Variants in MYBL1 observed in about 807,000 individuals in gnomAD.
MYBL1 encodes the protein MYB proto-oncogene like 1, also known as myb-related protein A.
Under a neutral mutation model 96.3 loss-of-function variants are expected in MYBL1, and 17 were observed. That is an observed-to-expected ratio of 0.18 (90% CI 0.12 to 0.26). The LOEUF (loss-of-function observed/expected upper bound fraction) is 0.26. Ranked by LOEUF, MYBL1 falls within the 10% of genes least tolerant of loss-of-function variation. The pLI is 1.00. For synonymous variants in MYBL1, 282 were observed against 292.7 expected, an observed-to-expected ratio of 0.96 and a Z score of 0.37; for missense variants, 701 against 882.9, an observed-to-expected ratio of 0.79 and a Z score of 2.61.
intron 1 of MYBL1, among the ~76,000 whole-genome samples, chr8:66,606,448 A>G (rs1810315143): frequency 6.6e-6 from 1 of 152,230 alleles, no homozygotes; most frequent in African/African-American, 2.4e-5. Flanking sequence ...CAAAATTTGA[A>G]GATTTGTTTA....
rs554473669 is a variant in MYBL1, at chr8:66,570,395, C to T, written c.1728+2087G>A. Among the ~76,000 whole-genome samples the T allele has an allele frequency of 3.3e-5, 5 of 151,862 alleles. No individual in the cohort carries two copies. In the East Asian group the frequency reaches 9.7e-4, roughly 29 times the overall value. Reference sequence around the variant, plus strand: ...CTTCATCACCACTCACTGTAGCCTCCACTTCCCAGGCTCAAACAAACCTCC... The same window carrying T: ...CTTCATCACCACTCACTGTAGCCTCTACTTCCCAGGCTCAAACAAACCTCC... On this transcript the variant is annotated intron_variant, in intron 12 of 15. Transcript: ENST00000522677.
At chr8:66,568,481 C>T (rs1355448399) in intron 12 of MYBL1, among the ~76,000 whole-genome samples, 2 of 151,592 alleles carry the variant, frequency 1.3e-5, no homozygotes, top group Non-Finnish European at 2.9e-5. Flanking sequence ...TGTATTTTTA[C>T]TAGAGACGGG....
chr8:66,608,463 C>T (rs1296616847), intron 1 of MYBL1, among the ~76,000 whole-genome samples: 1 of 151,974 alleles, frequency 6.6e-6, no homozygotes, highest in Non-Finnish European at 1.5e-5. Context: ...ATTGAAAAGA[C>T]AATGTTAACT....
rs1328146627 is a variant in MYBL1 at position 66,562,567 on chromosome 8, AC to A, written c.*2129del. 1 of 152,674 alleles carries A rather than the reference AC, an allele frequency of 6.5e-6. No individual in the cohort carries two copies. Among genetic ancestry groups the A allele is most frequent in the African/African-American group, 2.4e-5 (1 of 41,462 alleles). 9.5% of individuals were successfully genotyped at this position (152,674 alleles called of 1,614,324 possible). A position where few individuals can be genotyped will look rare whatever the true frequency, so the allele number is the denominator to read the frequency against. ...AGCCCAGACTTATCCACAATATATT[AC>A]CATTTAGGATAATTTAATGCTCAAG... On this transcript the variant is annotated 3_prime_UTR_variant, in exon 16 of 16. Transcript: ENST00000522677.
intron 11 of MYBL1, among the ~76,000 whole-genome samples, chr8:66,572,816 T>A (rs975938478): frequency 6.6e-6 from 1 of 152,158 alleles, no homozygotes. Context: ...AAAAAAGTAC[T>A]AGAAATGTTT....
intron 8 of MYBL1, among the ~76,000 whole-genome samples, chr8:66,590,141 CAATA>C (rs1485762549): frequency 6.6e-6 from 1 of 152,072 alleles, no homozygotes; most frequent in East Asian, 1.9e-4. Context: ...CTATTATAAT[CAATA>C]AATATCATTT....
intron 15 of MYBL1, chr8:66,565,026 A>G: frequency 3.1e-6 from 1 of 318,900 alleles, no homozygotes; most frequent in South Asian, 7.9e-5. Flanking sequence ...AAGTTTTTAA[A>G]AAGTCAATTA....
intron 1 of MYBL1, among the ~76,000 whole-genome samples, chr8:66,603,098 G>A (rs907946361): frequency 1.4e-4 from 21 of 151,958 alleles, no homozygotes; most frequent in Non-Finnish European, 2.2e-4. Flanking sequence ...ATGCCACTAC[G>A]GGAAAAATCA....
chr8:66,578,907 A>G (rs1295315284), intron 9 of MYBL1, among the ~76,000 whole-genome samples: 4 of 152,232 alleles, frequency 2.6e-5, no homozygotes, highest in Admixed American at 2.6e-4. Flanking sequence ...GCCATAAAAA[A>G]GGATGAGTTC....
intron 9 of MYBL1, 130 bp downstream of exon 9, chr8:66,580,003 C>G (rs1427594466): frequency 1.5e-6 from 1 of 670,858 alleles, no homozygotes; most frequent in Admixed American, 3.0e-5. Flanking sequence ...GAAGCCACTG[C>G]AAAATATCAG....
At chr8:66,597,646 C>A (rs978971612) in intron 4 of MYBL1, 96 bp from the exon 5 acceptor site, 1 of 722,322 alleles carries the variant, frequency 1.4e-6, no homozygotes. Context: ...GCATTAAATC[C>A]AAGCCACAAC....
intron 5 of MYBL1, among the ~76,000 whole-genome samples, chr8:66,596,175 T>G (rs1396395716): frequency 6.6e-6 from 1 of 152,078 alleles, no homozygotes; most frequent in African/African-American, 2.4e-5. Flanking sequence ...AAACCAGCTA[T>G]ACGAGAACAG....
Position 66,601,262 on chromosome 8 carries a change from T to C in MYBL1, c.198+436A>G, listed in dbSNP as rs1046541779. 8.4e-5 allele frequency among the ~76,000 whole-genome samples: 12 copies of C among 142,076 alleles called. No homozygotes were observed. The East Asian group carries it at 2.2e-3, about 27-fold the overall frequency. 93.2% of individuals were successfully genotyped at this position (142,076 alleles called of 152,430 possible). ...AGTTATATAACGAACAGCAGGTGAA[T>C]AGTAGTATGGTAAACAATAGGCATA... On this transcript the variant is annotated intron_variant, in intron 3 of 15. Transcript: ENST00000522677.
chr8:66,594,366 T>G (rs1809770457), intron 6 of MYBL1, among the ~76,000 whole-genome samples: 1 of 152,152 alleles, frequency 6.6e-6, no homozygotes, highest in Non-Finnish European at 1.5e-5. Flanking sequence ...TGACAGTATT[T>G]TAAACCCATC....
intron 8 of MYBL1, among the ~76,000 whole-genome samples, chr8:66,591,619 A>G (rs1809649439): frequency 1.3e-5 from 2 of 152,014 alleles, no homozygotes; most frequent in Admixed American, 1.3e-4. Flanking sequence ...CTTTTTCCAT[A>G]TATTTTTAGT....
rs1010173786 is a variant in MYBL1, at chr8:66,562,613, A to T, written c.*2084T>A. On this transcript the variant is annotated 3_prime_UTR_variant, in exon 16 of 16. Transcript: ENST00000522677. ...CTCAAGAAAAAATATGCTTTAAAAAATATAGCCTTACAAGATATTATACTT... is the reference window on the plus strand; with the variant it reads ...CTCAAGAAAAAATATGCTTTAAAAATTATAGCCTTACAAGATATTATACTT... The T allele has an allele frequency of 6.6e-6, 1 of 152,630 alleles. No individual in the cohort carries two copies. Among genetic ancestry groups the T allele is most frequent in the African/African-American group, 2.4e-5 (1 of 41,454 alleles). The allele number at this position is 152,630 out of a possible 1,614,324, so 9.5% of individuals were successfully genotyped here.
intron 8 of MYBL1, among the ~76,000 whole-genome samples, chr8:66,589,732 C>G (rs1809562860): frequency 6.6e-6 from 1 of 152,150 alleles, no homozygotes; most frequent in Non-Finnish European, 1.5e-5. Flanking sequence ...GACCCTCCCA[C>G]CTCAGCCTCT....
In MYBL1 at chr8:66,562,913, T is replaced by C. The variant is rs1360653176; in HGVS notation, c.*1784A>G. 6.7e-6 allele frequency: 1 copy of C among 148,260 alleles called. No individual in the cohort carries two copies. Among genetic ancestry groups the C allele is most frequent in the Non-Finnish European group, 1.5e-5 (1 of 67,232 alleles). The allele number at this position is 148,260 out of a possible 1,614,324, so 9.2% of individuals were successfully genotyped here. A position where few individuals can be genotyped will look rare whatever the true frequency, so the allele number is the denominator to read the frequency against. The stretch of plus-strand genomic sequence containing the variant: ...CATTTTCTTCACTTCTCACTATATA[T>C]ATATATAAATATATATATATATAAA... On this transcript the variant is annotated 3_prime_UTR_variant, in exon 16 of 16. Coordinates refer to ENST00000522677, the MANE Select transcript of MYBL1 (RefSeq NM_001080416.4).
chr8:66,564,894 T>TA, intron 15 of MYBL1, 69 bp from the exon 16 acceptor site: 2 of 1,037,578 alleles, frequency 1.9e-6, no homozygotes, highest in South Asian at 5.2e-5. Flanking sequence ...ATTAGACTCT[T>TA]AAAGTCAGTT....
Sources: allele counts gnomAD v4.1 joint callset (sites outside exome capture counted in the v4.1 genomes callset), GRCh38; gene constraint gnomAD v4.1.1; transcripts MANE v1.5; gene names NCBI Gene and HGNC (gene_info 2026-07-23, HGNC 2026-07-21).